Variants in RPL23 observed in about 807,000 individuals in gnomAD.
RPL23 encodes large ribosomal subunit protein uL14.
For missense variants in RPL23, 79 were observed against 178.8 expected (o/e 0.44, Z 3.18); for synonymous variants, 63 against 65.3 (o/e 0.97, Z 0.17).
intron 3 of RPL23, chr17:38,850,677 T>G (rs1912976386): frequency 4.2e-6 from 2 of 473,190 alleles, no homozygotes; most frequent in Admixed American, 7.7e-5. Flanking sequence ...GATTTTTTTT[T>G]TTTTTTCATA....
At position 38,850,378 on chromosome 17, in the gene RPL23, A is replaced by G; in HGVS notation, c.324T>C (p.Asn108=). Residue 108 remains asparagine, a synonymous_variant, in exon 4 of 5, where the codon AAT becomes AAC. Coordinates refer to ENST00000479035, the MANE Select transcript of RPL23 (RefSeq NM_000978.4). ...FEDNAGVIVN[N]KGEMKGSAIT... ...ATTTCCTACCTTTCATCTCGCCTTT[A>G]TTGTTCACTATGACTCCTGCATTAT... The G allele has an allele frequency of 6.2e-7, 1 of 1,613,430 alleles. No individual in the cohort carries two copies.
chr17:38,851,269 A>G (rs531703347), intron 3 of RPL23: 2 of 152,236 alleles, frequency 1.3e-5, no homozygotes, highest in African/African-American at 2.4e-5. Flanking sequence ...AGATAAGTCT[A>G]ACCAAGTTAG....
At chr17:38,850,581 G>A (rs1912972811) in intron 3 of RPL23, 106 bp from the exon 4 acceptor site, 1 of 744,510 alleles carries the variant, frequency 1.3e-6, no homozygotes, top group Non-Finnish European at 2.4e-6. Flanking sequence ...TTGAGACAGT[G>A]ACAGTGTAAA....
rs1912910448 is a variant in RPL23 at position 38,848,194 on chromosome 17, CAT to C, written c.*1936_*1937del. 1.0e-6 allele frequency: 1 copy of C among 992,862 alleles called. No homozygotes were observed. The highest frequency in any genetic ancestry group is 3.9e-5 in the Admixed American group (1 of 25,690). The allele number at this position is 992,862 out of a possible 1,614,324, so 61.5% of individuals were successfully genotyped here. A position where few individuals can be genotyped will look rare whatever the true frequency, so the allele number is the denominator to read the frequency against. On this transcript the variant is annotated 3_prime_UTR_variant, in exon 5 of 5. Coordinates refer to ENST00000479035, the MANE Select transcript of RPL23 (RefSeq NM_000978.4). Reference sequence around the variant, plus strand: ...ACACTAAAGCTGACTTGAAATTGACCATACTCAGGGATGTTATGGTGTAACTC... The same window carrying C: ...ACACTAAAGCTGACTTGAAATTGACCACTCAGGGATGTTATGGTGTAACTC...
In RPL23 at chr17:38,849,216, T is replaced by A. The variant is rs1232554100; in HGVS notation, c.*916A>T. The A allele has an allele frequency of 1.3e-5, 2 of 152,246 alleles. No individual in the cohort carries two copies. The highest frequency in any genetic ancestry group is 1.3e-4 in the Admixed American group (2 of 15,272). The allele number at this position is 152,246 out of a possible 1,614,324, so 9.4% of individuals were successfully genotyped here. A position where few individuals can be genotyped will look rare whatever the true frequency, so the allele number is the denominator to read the frequency against. ...ACCTACATGGCAATTACTGTTGTTT[T>A]ATAAATATTCAATTTACTCCAAATC... On this transcript the variant is annotated 3_prime_UTR_variant, in exon 5 of 5. Transcript: ENST00000479035.
intron 3 of RPL23, chr17:38,851,226 G>T (rs1912993145): frequency 6.6e-6 from 1 of 152,200 alleles, no homozygotes; most frequent in South Asian, 2.1e-4. Context: ...TCCTTACACA[G>T]AATTTTTATG....
chr17:38,847,974 C>T lies in RPL23; in HGVS notation c.*2158G>A. ...AATTGCAGCCCTTTGAAGGCCACAG[C>T]AGGAGGATTCCAAGTCCAGCAGTTC... is the stretch of plus-strand genomic sequence containing the variant. On this transcript the variant is annotated 3_prime_UTR_variant, in exon 5 of 5. Coordinates refer to ENST00000479035, the MANE Select transcript of RPL23 (RefSeq NM_000978.4). 1.3e-6 allele frequency: 2 copies of T among 1,550,032 alleles called. No individual in the cohort carries two copies. The highest frequency in any genetic ancestry group is 1.7e-6 in the Non-Finnish European group (2 of 1,146,748).
chr17:38,849,643 T>A lies in RPL23; in HGVS notation c.*489A>T, dbSNP rs1912947020. 6.5e-6 allele frequency: 1 copy of A among 152,698 alleles called. No homozygotes were observed. Among genetic ancestry groups the A allele is most frequent in the Non-Finnish European group, 1.5e-5 (1 of 68,448 alleles). The allele number at this position is 152,698 out of a possible 1,614,324, so 9.5% of individuals were successfully genotyped here. ...CAGCTACCGCGCCCAGCCATTTGAA[T>A]GCCTTCCTCACTCCAGGAGAAGCTA... On this transcript the variant is annotated 3_prime_UTR_variant, in exon 5 of 5. Transcript: ENST00000479035.
intron 1 of RPL23, 107 bp downstream of exon 1, chr17:38,853,591 C>T (rs1219107138): frequency 7.2e-6 from 10 of 1,388,834 alleles, no homozygotes; most frequent in Admixed American, 3.4e-5. Context: ...CTCTCTCCGG[C>T]CTGAAGGAGA....
intron 3 of RPL23, chr17:38,851,640 G>C (rs555988812): frequency 6.6e-6 from 1 of 152,320 alleles, no homozygotes; most frequent in South Asian, 2.1e-4. Context: ...ATCAGACCCA[G>C]GAAGTGTTCT....
intron 1 of RPL23, 38 bp downstream of exon 1, chr17:38,853,660 G>T (rs1274830077): frequency 6.2e-7 from 1 of 1,613,856 alleles, no homozygotes; most frequent in Non-Finnish European, 8.5e-7. Flanking sequence ...GCCACTGCAC[G>T]ACAGATGGTG....
intron 3 of RPL23, chr17:38,851,251 C>G (rs1199035060): frequency 6.6e-6 from 1 of 152,104 alleles, no homozygotes; most frequent in Non-Finnish European, 1.5e-5. Context: ...GAAGACTACA[C>G]AAAAAATAGA....
chr17:38,847,947 G>A lies in RPL23; in HGVS notation c.*2185C>T, dbSNP rs1242704833. 3 of 1,545,788 alleles carry A rather than the reference G, an allele frequency of 1.9e-6. No individual in the cohort carries two copies. Among genetic ancestry groups the A allele is most frequent in the Non-Finnish European group, 2.6e-6 (3 of 1,145,278 alleles). ...AGGTGGGATGCAGTGGCTCACACTT[G>A]TAATTGCAGCCCTTTGAAGGCCACA... is the stretch of plus-strand genomic sequence containing the variant. On this transcript the variant is annotated 3_prime_UTR_variant, in exon 5 of 5. Transcript: ENST00000479035.
chr17:38,847,974 C>G lies in RPL23; in HGVS notation c.*2158G>C. On this transcript the variant is annotated 3_prime_UTR_variant, in exon 5 of 5. Coordinates refer to ENST00000479035, the MANE Select transcript of RPL23 (RefSeq NM_000978.4). Reference sequence around the variant, plus strand: ...AATTGCAGCCCTTTGAAGGCCACAGCAGGAGGATTCCAAGTCCAGCAGTTC... The same window carrying G: ...AATTGCAGCCCTTTGAAGGCCACAGGAGGAGGATTCCAAGTCCAGCAGTTC... 1 of 1,550,032 alleles carries G rather than the reference C, an allele frequency of 6.5e-7. No homozygotes were observed. The highest frequency in any genetic ancestry group is 8.7e-7 in the Non-Finnish European group (1 of 1,146,748).
chr17:38,853,655 T>C (rs374175587), intron 1 of RPL23, 43 bp downstream of exon 1: 3 of 1,613,818 alleles, frequency 1.9e-6, no homozygotes, highest in Non-Finnish European at 2.5e-6. Context: ...CGCCAGCCAC[T>C]GCACGACAGA....
intron 1 of RPL23, 130 bp downstream of exon 1, chr17:38,853,568 G>A: frequency 1.8e-6 from 2 of 1,133,388 alleles, no homozygotes; most frequent in Non-Finnish European, 2.7e-6. Context: ...TGCTCTCGCG[G>A]TGGCCTGGCT....
chr17:38,852,895 CAT>C (rs767489718), intron 2 of RPL23, 125 bp downstream of exon 2: 50 of 1,349,506 alleles, frequency 3.7e-5, no homozygotes, highest in African/African-American at 1.1e-4. Flanking sequence ...GCAAACAACA[CAT>C]GTTGCCACTT....
chr17:38,853,468 C>T (rs773609812), intron 1 of RPL23: 4 of 720,286 alleles, frequency 5.6e-6, no homozygotes, highest in South Asian at 4.5e-5. Flanking sequence ...ATTCGCGGAG[C>T]GATCTCGCGG....
intron 3 of RPL23, chr17:38,852,375 A>C: frequency 1.9e-6 from 1 of 516,778 alleles, no homozygotes; most frequent in East Asian, 3.4e-5. Context: ...ATCTCAAAAA[A>C]CAAAACAAAA....
Sources: allele counts gnomAD v4.1 joint callset, GRCh38; gene constraint gnomAD v4.1.1; transcripts MANE v1.5; gene names NCBI Gene and HGNC (gene_info 2026-07-23, HGNC 2026-07-21).